ART4: variants seen among roughly 807,000 people sequenced by gnomAD.
The protein encoded by ART4 is ADP-ribosyltransferase 4 (inactive) (Dombrock blood group), also known as ecto-ADP-ribosyltransferase 4.
In ART4, 14 loss-of-function variants were observed where a neutral mutation model predicts 24.2. That is an observed-to-expected ratio of 0.58 (90% CI 0.38 to 0.90). The LOEUF is 0.90. Among genes scored for constraint, ART4 ranks in the 40% least tolerant of loss-of-function variants. The probability of loss-of-function intolerance (pLI) is 0.00; values close to 1 mark genes in which losing one functional copy is unlikely to be tolerated. For synonymous variants in ART4, 145 were observed against 139.9 expected (o/e 1.04, Z -0.26); for missense variants, 356 against 366.6 (o/e 0.97, Z 0.24).
Position 14,828,279 on chromosome 12 carries a change from T to TATGAAGACTTAAATTTGCC in ART4, c.*1073_*1091dup, listed in dbSNP as rs1950371889. The TATGAAGACTTAAATTTGCC allele has an allele frequency of 6.6e-6, 1 of 152,252 alleles. No homozygotes were observed. Among genetic ancestry groups the TATGAAGACTTAAATTTGCC allele is most frequent in the South Asian group, 2.1e-4 (1 of 4,830 alleles). 9.4% of individuals were successfully genotyped at this position (152,252 alleles called of 1,614,324 possible). A position where few individuals can be genotyped will look rare whatever the true frequency, so the allele number is the denominator to read the frequency against. On this transcript the variant is annotated 3_prime_UTR_variant, in exon 3 of 3. Transcript: ENST00000228936. ...ATGTTTTCCTAATATTTAAATTTGC[T>TATGAAGACTTAAATTTGCC]ATGAAGACTTAAATTTGCCATCAAG... is the stretch of plus-strand genomic sequence containing the variant.
In ART4 at chr12:14,840,944, T is replaced by C; in HGVS notation, c.354A>G (p.Thr118=). 4 of 1,614,206 alleles carry C rather than the reference T, an allele frequency of 2.5e-6. No individual in the cohort carries two copies. Among genetic ancestry groups the C allele is most frequent in the Non-Finnish European group, 2.5e-6 (3 of 1,180,046 alleles). Reference sequence around the variant, plus strand: ...TATAAAACAAAATAGCCACAGCGTGTGTGGTAGTCATGTTCTGGGGTAGAA... The same window carrying C: ...TATAAAACAAAATAGCCACAGCGTGCGTGGTAGTCATGTTCTGGGGTAGAA... The part of the protein sequence containing the change: ...GKVLPQNMTT[T]HAVAILFYTL... The change falls in exon 2 of 3, where the codon ACA becomes ACG. Residue 118 remains threonine, a synonymous_variant. Coordinates refer to ENST00000228936, the MANE Select transcript of ART4 (RefSeq NM_021071.4).
chr12:14,825,710 A>G lies in ART4; in HGVS notation c.*3661T>C. 1 of 152,176 alleles carries G rather than the reference A, an allele frequency of 6.6e-6. No homozygotes were observed. Among genetic ancestry groups the G allele is most frequent in the East Asian group, 1.9e-4 (1 of 5,206 alleles). The allele number at this position is 152,176 out of a possible 1,614,324, so 9.4% of individuals were successfully genotyped here. A position where few individuals can be genotyped will look rare whatever the true frequency, so the allele number is the denominator to read the frequency against. On this transcript the variant is annotated 3_prime_UTR_variant, in exon 3 of 3. Transcript: ENST00000228936. Reference sequence around the variant, plus strand: ...TCAATTTGATTCATATTATTAGACAACTCAGTACAAGAATCCTGATTCTTC... The same window carrying G: ...TCAATTTGATTCATATTATTAGACAGCTCAGTACAAGAATCCTGATTCTTC...
Position 14,840,699 on chromosome 12 carries a change from G to C in ART4, c.599C>G (p.Ala200Gly). 1.2e-6 allele frequency: 2 copies of C among 1,614,088 alleles called. No individual in the cohort carries two copies. The highest frequency in any genetic ancestry group is 1.1e-5 in the South Asian group (1 of 91,080). Residue 200 changes from alanine to glycine, a missense_variant, in exon 2 of 3, where the codon GCC (alanine) becomes GGC (glycine). Coordinates refer to ENST00000228936, the MANE Select transcript of ART4 (RefSeq NM_021071.4). The part of the protein sequence containing the change: ...KDVHFNAYTG[A>G]TIRFGQFLST... ...GAGGAATTGGCCAAATCGAATGGTG[G>C]CCCCTGTGTAGGCATTAAAGTGGAC... is the stretch of plus-strand genomic sequence containing the variant.
At chr12:14,841,357 T>C (rs1863049726) in intron 1 of ART4, 1 of 489,022 alleles carries the variant, frequency 2.0e-6, no homozygotes, top group Non-Finnish European at 3.5e-6. Context: ...GATAAATAAA[T>C]TACTGAAAGC....
intron 2 of ART4, among the ~76,000 whole-genome samples, chr12:14,837,812 G>A (rs1387758138): frequency 6.6e-6 from 1 of 152,156 alleles, no homozygotes; most frequent in African/African-American, 2.4e-5. Flanking sequence ...ACCGCACTTG[G>A]CCAATAATTT....
chr12:14,832,094 T>C (rs56251191), intron 2 of ART4, among the ~76,000 whole-genome samples: 163 of 152,200 alleles, frequency 1.1e-3, no homozygotes, highest in African/African-American at 3.8e-3. Flanking sequence ...CAGTTTATCC[T>C]CTACTGGGCT....
chr12:14,834,099 T>C (rs1950413518), intron 2 of ART4, among the ~76,000 whole-genome samples: 1 of 152,238 alleles, frequency 6.6e-6, no homozygotes, highest in African/African-American at 2.4e-5. Flanking sequence ...TTCCATTTTA[T>C]AAATGAAGAA....
chr12:14,843,377 C>T lies in ART4; in HGVS notation c.-264G>A, dbSNP rs755951956. The T allele has an allele frequency of 2.4e-5, 8 of 338,552 alleles. No individual in the cohort carries two copies. The highest frequency in any genetic ancestry group is 3.9e-5 in the Non-Finnish European group (7 of 180,454). 21.0% of individuals were successfully genotyped at this position (338,552 alleles called of 1,614,324 possible). A position where few individuals can be genotyped will look rare whatever the true frequency, so the allele number is the denominator to read the frequency against. On this transcript the variant is annotated 5_prime_UTR_variant, in exon 1 of 3. Transcript: ENST00000228936. ...GGGTTTCTAAAGAGAACCCAAGTTA[C>T]TTTTCAATTAAAAAAATAAAATCTC... is the stretch of plus-strand genomic sequence containing the variant.
At chr12:14,834,253 T>G (rs1950414294) in intron 2 of ART4, among the ~76,000 whole-genome samples, 1 of 152,228 alleles carries the variant, frequency 6.6e-6, no homozygotes, top group South Asian at 2.1e-4. Context: ...TTCATCCATT[T>G]ATCTGAGACA....
rs904674521 is a variant in ART4 at position 14,840,743 on chromosome 12, C to T, written c.555G>A (p.Val185=). ...IMENGTLCYE[V]HYRTKDVHFN... ...AGTGGACATCCTTCGTCCTATAATG[C>T]ACCTCATAGCACAGAGTGCCATTCT... Residue 185 remains valine, a synonymous_variant, in exon 2 of 3, where the codon GTG becomes GTA. Coordinates refer to ENST00000228936, the MANE Select transcript of ART4 (RefSeq NM_021071.4). 1.2e-6 allele frequency: 2 copies of T among 1,614,028 alleles called. No individual in the cohort carries two copies. The highest frequency in any genetic ancestry group is 3.3e-5 in the Admixed American group (2 of 59,986).
chr12:14,827,155 CT>C lies in ART4; in HGVS notation c.*2215del. 6.6e-6 allele frequency: 1 copy of C among 151,786 alleles called. No homozygotes were observed. The highest frequency in any genetic ancestry group is 1.9e-4 in the East Asian group (1 of 5,156). 9.4% of individuals were successfully genotyped at this position (151,786 alleles called of 1,614,324 possible). A position where few individuals can be genotyped will look rare whatever the true frequency, so the allele number is the denominator to read the frequency against. On this transcript the variant is annotated 3_prime_UTR_variant, in exon 3 of 3. Coordinates refer to ENST00000228936, the MANE Select transcript of ART4 (RefSeq NM_021071.4). ...GAGAGATCTGGCCTAGTGTTCTTAACTTTTAATCCCCAAAGTGCTTTGTACA... is the reference window on the plus strand; with the variant it reads ...GAGAGATCTGGCCTAGTGTTCTTAACTTTAATCCCCAAAGTGCTTTGTACA...
intron 2 of ART4, among the ~76,000 whole-genome samples, chr12:14,839,876 C>T (rs376958090): frequency 3.3e-5 from 5 of 152,162 alleles, no homozygotes; most frequent in African/African-American, 1.2e-4. Context: ...GAGTAGCTCC[C>T]TGCACTGAGC....
intron 2 of ART4, among the ~76,000 whole-genome samples, chr12:14,838,194 G>A (rs912363277): frequency 6.6e-6 from 1 of 152,160 alleles, no homozygotes; most frequent in Non-Finnish European, 1.5e-5. Context: ...AGTTGCATTT[G>A]GGTAGTTTCG....
intron 1 of ART4, among the ~76,000 whole-genome samples, chr12:14,841,968 C>A (rs1863058060): frequency 6.6e-6 from 1 of 152,154 alleles, no homozygotes; most frequent in Admixed American, 6.6e-5. Context: ...TACATTTGTC[C>A]CCCTCAGGGA....
At position 14,827,964 on chromosome 12, in the gene ART4, C is replaced by T. The variant is rs1220890288; in HGVS notation, c.*1407G>A. 6.6e-6 allele frequency: 1 copy of T among 152,176 alleles called. No individual in the cohort carries two copies. Among genetic ancestry groups the T allele is most frequent in the Non-Finnish European group, 1.5e-5 (1 of 68,040 alleles). The allele number at this position is 152,176 out of a possible 1,614,324, so 9.4% of individuals were successfully genotyped here. A position where few individuals can be genotyped will look rare whatever the true frequency, so the allele number is the denominator to read the frequency against. On this transcript the variant is annotated 3_prime_UTR_variant, in exon 3 of 3. Coordinates refer to ENST00000228936, the MANE Select transcript of ART4 (RefSeq NM_021071.4). ...TCCAAATCTTAAAAGGGATAAGGAG[C>T]ATGGACTTTCAAAATCCAAAATTAT...
intron 2 of ART4, among the ~76,000 whole-genome samples, chr12:14,830,577 G>GTA: frequency 8.3e-6 from 1 of 120,244 alleles, no homozygotes; most frequent in South Asian, 2.6e-4. Flanking sequence ...GTGTGTGTGT[G>GTA]TATACAAGTA....
chr12:14,836,182 C>T (rs1249783275), intron 2 of ART4, among the ~76,000 whole-genome samples: 2 of 152,086 alleles, frequency 1.3e-5, no homozygotes, highest in Non-Finnish European at 2.9e-5. Context: ...TTCATTTTTA[C>T]AGTAGATCTT....
chr12:14,835,762 C>T (rs11056200), intron 2 of ART4, among the ~76,000 whole-genome samples: 5,036 of 152,068 alleles, frequency 0.033, 291 homozygotes, highest in African/African-American at 0.12. Flanking sequence ...CGTGCCACCA[C>T]TCCTGGCTAA....
At chr12:14,830,662 TATA>T (rs2137297660) in intron 2 of ART4, among the ~76,000 whole-genome samples, 1 of 80,990 alleles carries the variant, frequency 1.2e-5, no homozygotes, top group East Asian at 3.8e-4. Flanking sequence ...TATATATATA[TATA>T]TATATATATA....
Sources: gnomAD v4.1 joint callset for allele counts (sites outside exome capture counted in the v4.1 genomes callset) on GRCh38, gnomAD v4.1.1 for gene constraint, MANE v1.5 for transcripts, NCBI Gene and HGNC (gene_info 2026-07-23, HGNC 2026-07-21) for gene names.